The following GALNT13 variants were observed in gnomAD, a reference collection of about 807,000 sequenced individuals.
GALNT13 encodes the protein polypeptide N-acetylgalactosaminyltransferase 13.
GALNT13 carries 28 observed loss-of-function variants against 64.2 expected under a neutral mutation model. The ratio of observed to expected loss-of-function variants is 0.44; its 90% CI spans 0.32 to 0.60. The LOEUF is 0.60. Among genes scored for constraint, GALNT13 ranks in the 20% least tolerant of loss-of-function variants. The probability of loss-of-function intolerance (pLI) is 0.05; values close to 1 mark genes in which losing one functional copy is unlikely to be tolerated. For synonymous variants in GALNT13, 214 were observed against 224.6 expected (o/e 0.95, Z 0.42); for missense variants, 577 against 669.8 (o/e 0.86, Z 1.53).
chr2:153,708,170 A>G, the GALNT13 span, among the ~76,000 whole-genome samples: 2 of 152,166 alleles, frequency 1.3e-5, no homozygotes, highest in African/African-American at 4.8e-5. Context: ...GAATGAAAAA[A>G]AAAGTATTTT....
the GALNT13 span, among the ~76,000 whole-genome samples, chr2:153,792,908 A>G: frequency 1.3e-5 from 2 of 151,938 alleles, no homozygotes; most frequent in South Asian, 4.2e-4. Flanking sequence ...GAAACATACT[A>G]GGTCTCTCCA....
intron 4 of GALNT13, among the ~76,000 whole-genome samples, chr2:154,200,671 T>C (rs1402468645): frequency 2.0e-5 from 3 of 152,148 alleles, no homozygotes; most frequent in African/African-American, 7.2e-5. Flanking sequence ...CCAAGTATTG[T>C]GTGAAGTCTC....
At chr2:153,495,308 TCAAAA>T in the GALNT13 span, among the ~76,000 whole-genome samples, 1 of 151,704 alleles carries the variant, frequency 6.6e-6, no homozygotes, top group South Asian at 2.1e-4. Flanking sequence ...AGACTCTGTC[TCAAAA>T]CAAACAAACA....
intron 3 of GALNT13, among the ~76,000 whole-genome samples, chr2:154,133,338 AT>A (rs1682733457): frequency 6.6e-6 from 1 of 151,764 alleles, no homozygotes; most frequent in South Asian, 2.1e-4. Flanking sequence ...GATTTGCTAA[AT>A]CTCTACTTAT....
the GALNT13 span, among the ~76,000 whole-genome samples, chr2:153,274,163 A>C: frequency 3.3e-5 from 5 of 152,150 alleles, no homozygotes. Context: ...AGATGGTGCC[A>C]TTGCACTCCA....
the GALNT13 span, among the ~76,000 whole-genome samples, chr2:153,206,000 T>G: frequency 6.6e-6 from 1 of 151,972 alleles, no homozygotes; most frequent in Non-Finnish European, 1.5e-5. Flanking sequence ...CCTGAATAAT[T>G]GTTGAATAAA....
At chr2:153,832,921 G>C in the GALNT13 span, among the ~76,000 whole-genome samples, 1 of 152,182 alleles carries the variant, frequency 6.6e-6, no homozygotes, top group African/African-American at 2.4e-5. Context: ...TTATACAGTA[G>C]TCCCCTTTTA....
the GALNT13 span, among the ~76,000 whole-genome samples, chr2:153,133,495 A>G: frequency 2.0e-5 from 3 of 151,760 alleles, no homozygotes; most frequent in African/African-American, 4.8e-5. Context: ...TTTCTTTTTC[A>G]TCCAATAAAT....
At chr2:153,581,904 C>G in the GALNT13 span, among the ~76,000 whole-genome samples, 11 of 152,016 alleles carry the variant, frequency 7.2e-5, no homozygotes, top group African/African-American at 2.7e-4. Context: ...GATCAAGGTC[C>G]TTTGAACTTT....
At chr2:153,630,647 A>G in the GALNT13 span, among the ~76,000 whole-genome samples, 1 of 148,448 alleles carries the variant, frequency 6.7e-6, no homozygotes, top group Non-Finnish European at 1.5e-5. Flanking sequence ...TTAAAGTATA[A>G]TTATAATAAA....
chr2:154,343,614 T>G (rs1158891342), intron 9 of GALNT13, among the ~76,000 whole-genome samples: 1 of 152,082 alleles, frequency 6.6e-6, no homozygotes, highest in East Asian at 1.9e-4. Flanking sequence ...GCATGCCTTT[T>G]GTTGCACAGT....
At chr2:153,144,191 T>G in the GALNT13 span, among the ~76,000 whole-genome samples, 1 of 152,070 alleles carries the variant, frequency 6.6e-6, no homozygotes, top group South Asian at 2.1e-4. Flanking sequence ...CATGAAAGAC[T>G]GGTGTTTATT....
chr2:153,250,058 G>A, the GALNT13 span, among the ~76,000 whole-genome samples: 1 of 152,166 alleles, frequency 6.6e-6, no homozygotes, highest in Non-Finnish European at 1.5e-5. Flanking sequence ...AAGCTAAAGA[G>A]CTTCTGCACA....
intron 3 of GALNT13, among the ~76,000 whole-genome samples, chr2:153,971,394 C>T (rs998198628): frequency 2.0e-5 from 3 of 152,068 alleles, no homozygotes; most frequent in Non-Finnish European, 4.4e-5. Flanking sequence ...AATAACAATC[C>T]TGTAAGTCTA....
At chr2:153,095,457 A>G in the GALNT13 span, among the ~76,000 whole-genome samples, 2 of 152,246 alleles carry the variant, frequency 1.3e-5, no homozygotes, top group Non-Finnish European at 2.9e-5. Context: ...AACTAGTTCA[A>G]CCATTGTGGA....
chr2:154,041,194 T>C (rs1698956342), intron 3 of GALNT13, among the ~76,000 whole-genome samples: 1 of 140,804 alleles, frequency 7.1e-6, no homozygotes, highest in Non-Finnish European at 1.6e-5. Context: ...ATAGGAAATG[T>C]AGCTTCTTTT....
At chr2:154,132,852 G>T (rs1390272923) in intron 3 of GALNT13, among the ~76,000 whole-genome samples, 1 of 148,164 alleles carries the variant, frequency 6.7e-6, no homozygotes, top group Non-Finnish European at 1.5e-5. Flanking sequence ...CCAAGATCAC[G>T]CCATGGCACT....
At chr2:153,889,010 G>A (rs1398628528) in intron 1 of GALNT13, among the ~76,000 whole-genome samples, 1 of 151,954 alleles carries the variant, frequency 6.6e-6, no homozygotes, top group African/African-American at 2.4e-5. Context: ...TTCTTCACGA[G>A]CATGAAATCA....
intron 3 of GALNT13, among the ~76,000 whole-genome samples, chr2:154,021,053 G>T (rs1423817659): frequency 3.5e-4 from 53 of 152,062 alleles, no homozygotes; most frequent in Non-Finnish European, 1.5e-5. Flanking sequence ...CTGCTCCATT[G>T]GTCTATATCT....
Sources: gnomAD v4.1 joint callset for allele counts (sites outside exome capture counted in the v4.1 genomes callset) on GRCh38, gnomAD v4.1.1 for gene constraint, MANE v1.5 for transcripts, NCBI Gene and HGNC (gene_info 2026-07-23, HGNC 2026-07-21) for gene names.